The following ALKBH3 variants were observed in gnomAD, a reference collection of about 807,000 sequenced individuals.
ALKBH3 encodes alpha-ketoglutarate-dependent dioxygenase alkB homolog 3.
ALKBH3 carries 51 observed loss-of-function variants against 43.9 expected under a neutral mutation model. That is an observed-to-expected ratio of 1.16 (90% CI 0.93 to 1.47). ALKBH3 has a LOEUF of 1.47. Among genes scored for constraint, ALKBH3 ranks in the 40% most tolerant of loss-of-function variants. The probability of loss-of-function intolerance (pLI) is 0.00; values close to 1 mark genes in which losing one functional copy is unlikely to be tolerated. For missense variants in ALKBH3, 361 were observed against 351.9 expected (o/e 1.03, Z -0.21); for synonymous variants, 102 against 115.2 (o/e 0.89, Z 0.73).
At chr11:43,915,440 G>A (rs1048098361) in intron 8 of ALKBH3, among the ~76,000 whole-genome samples, 2 of 152,118 alleles carry the variant, frequency 1.3e-5, no homozygotes, top group Non-Finnish European at 2.9e-5. Context: ...CTTGGCTCCA[G>A]TAATTCCATT....
intron 7 of ALKBH3, among the ~76,000 whole-genome samples, chr11:43,894,559 A>T (rs2135185121): frequency 6.6e-6 from 1 of 152,250 alleles, no homozygotes; most frequent in East Asian, 1.9e-4. Context: ...GAAAAAAAAT[A>T]CCTACTTAGA....
intron 5 of ALKBH3, 136 bp downstream of exon 5, chr11:43,886,789 G>A: frequency 1.1e-6 from 1 of 879,796 alleles, no homozygotes; most frequent in Non-Finnish European, 1.7e-6. Flanking sequence ...AGGAATGAAA[G>A]CATGTCCTTT....
At chr11:43,916,895 C>T (rs1448647015) in intron 8 of ALKBH3, 2 of 152,180 alleles carry the variant, frequency 1.3e-5, no homozygotes, top group Non-Finnish European at 2.9e-5. Context: ...AGTAGGATCC[C>T]TTGCCCTCTT....
Position 43,889,788 on chromosome 11 carries a change from T to C in ALKBH3, c.330T>C (p.Cys110=), listed in dbSNP as rs767771210. The C allele has an allele frequency of 6.2e-7, 1 of 1,613,930 alleles. No homozygotes were observed. The highest frequency in any genetic ancestry group is 1.3e-5 in the African/African-American group (1 of 74,920). ...KEADWILEQL[C]QDVPWKQRTG... ...CTGACTGGATATTGGAACAGCTTTG[T>C]CAAGATGTTCCCTGGAAACAGAGGA... The change falls in exon 6 of 10, where the codon TGT becomes TGC. Residue 110 remains cysteine, a synonymous_variant. Coordinates refer to ENST00000302708, the MANE Select transcript of ALKBH3 (RefSeq NM_139178.4).
intron 9 of ALKBH3, 92 bp from the exon 10 acceptor site, chr11:43,919,826 T>C: frequency 8.5e-7 from 1 of 1,178,038 alleles, no homozygotes; most frequent in Non-Finnish European, 1.3e-6. Flanking sequence ...GATGGAAATA[T>C]TTCTGCATTC....
At chr11:43,898,620 C>A in intron 7 of ALKBH3, 1 of 738,544 alleles carries the variant, frequency 1.4e-6, no homozygotes, top group Admixed American at 1.8e-5. Context: ...GCCTGGCGGA[C>A]TTGGAAGGGG....
chr11:43,885,742 A>T (rs2135176835), intron 4 of ALKBH3, among the ~76,000 whole-genome samples: 1 of 152,316 alleles, frequency 6.6e-6, no homozygotes, highest in Middle Eastern at 3.4e-3. Flanking sequence ...TATTCCTTGC[A>T]CCTCAGGACC....
At chr11:43,902,173 T>C (rs974633857) in intron 8 of ALKBH3, among the ~76,000 whole-genome samples, 3 of 152,192 alleles carry the variant, frequency 2.0e-5, no homozygotes, top group Non-Finnish European at 2.9e-5. Context: ...CATGGTAATA[T>C]GGCCACTTTT....
At chr11:43,891,762 T>C (rs1590368843) in intron 6 of ALKBH3, among the ~76,000 whole-genome samples, 1 of 152,226 alleles carries the variant, frequency 6.6e-6, no homozygotes, top group Non-Finnish European at 1.5e-5. Context: ...GTGTGACTCT[T>C]TGCCCTCTCT....
intron 8 of ALKBH3, among the ~76,000 whole-genome samples, chr11:43,908,763 C>T (rs974845294): frequency 1.3e-5 from 2 of 152,152 alleles, no homozygotes; most frequent in African/African-American, 4.8e-5. Context: ...ACGCTGTCAG[C>T]AGGTATTTCA....
At chr11:43,883,863 T>C in intron 3 of ALKBH3, 120 bp from the exon 4 acceptor site, 1 of 1,226,772 alleles carries the variant, frequency 8.2e-7, no homozygotes, top group Non-Finnish European at 1.2e-6. Context: ...TAGTGAGAAG[T>C]TGGAATAGAA....
chr11:43,889,965 A>G, intron 6 of ALKBH3, 137 bp downstream of exon 6: 1 of 715,842 alleles, frequency 1.4e-6, no homozygotes, highest in African/African-American at 1.8e-5. Flanking sequence ...AAGTAGAATT[A>G]GCCAAAAAGG....
chr11:43,890,920 T>A (rs1335265696), intron 6 of ALKBH3, among the ~76,000 whole-genome samples: 2 of 152,232 alleles, frequency 1.3e-5, no homozygotes, highest in Non-Finnish European at 2.9e-5. Flanking sequence ...CATCCTCTAG[T>A]ATCCTTTAAA....
At chr11:43,908,856 C>G (rs1951915786) in intron 8 of ALKBH3, among the ~76,000 whole-genome samples, 1 of 152,212 alleles carries the variant, frequency 6.6e-6, no homozygotes, top group South Asian at 2.1e-4. Flanking sequence ...TCGATGCCTG[C>G]TGAGAGAGCT....
At chr11:43,899,916 T>C (rs1951849581) in intron 7 of ALKBH3, among the ~76,000 whole-genome samples, 2 of 150,322 alleles carry the variant, frequency 1.3e-5, no homozygotes, top group Admixed American at 6.6e-5. Context: ...TGAGTTTTGG[T>C]ATAATATCAA....
In ALKBH3 at chr11:43,882,704, GT is replaced by G; in HGVS notation, c.54del (p.Ser20AlafsTer43). ...ARVQGAWAAP[V>X]KSQAIAQPAT... ...AGTTCAGGGAGCCTGGGCTGCCCCTGTTAAAAGCCAGGCCATTGCTCAGCCA... is the reference window on the plus strand; with the variant it reads ...AGTTCAGGGAGCCTGGGCTGCCCCTGTAAAAGCCAGGCCATTGCTCAGCCA... On this transcript the variant is annotated frameshift_variant, in exon 2 of 10. Transcript: ENST00000302708. LOFTEE classifies it high-confidence loss of function. 6.2e-7 allele frequency: 1 copy of G among 1,613,452 alleles called. No homozygotes were observed. Among genetic ancestry groups the G allele is most frequent in the South Asian group, 1.1e-5 (1 of 90,970 alleles).
chr11:43,919,873 G>A lies in ALKBH3; in HGVS notation c.769-45G>A, dbSNP rs191649154. The A allele has an allele frequency of 9.8e-4, 1,493 of 1,526,268 alleles. 11 individuals carry two copies. In the African/African-American group the frequency reaches 0.018, roughly 19 times the overall value. The allele number at this position is 1,526,268 out of a possible 1,614,324, so 94.5% of individuals were successfully genotyped here. A position where few individuals can be genotyped will look rare whatever the true frequency, so the allele number is the denominator to read the frequency against. ...TTTTAAGTCGCTTTGAACTAAAAGTGTGTATGTGTGTATTTATGTCAGAGT... is the reference window on the plus strand; with the variant it reads ...TTTTAAGTCGCTTTGAACTAAAAGTATGTATGTGTGTATTTATGTCAGAGT... On this transcript the variant is annotated intron_variant, in intron 9 of 9. Transcript: ENST00000302708.
chr11:43,902,664 T>C (rs1427390474), intron 8 of ALKBH3, among the ~76,000 whole-genome samples: 1 of 152,238 alleles, frequency 6.6e-6, no homozygotes, highest in Non-Finnish European at 1.5e-5. Flanking sequence ...TGGCACGATC[T>C]CGGCTCACTG....
chr11:43,889,025 T>C (rs1287098491), intron 5 of ALKBH3, among the ~76,000 whole-genome samples: 2 of 152,202 alleles, frequency 1.3e-5, no homozygotes, highest in Non-Finnish European at 2.9e-5. Flanking sequence ...TTATTAGTTA[T>C]TCTTTTTTTT....
Sources: gnomAD v4.1 joint callset for allele counts (sites outside exome capture counted in the v4.1 genomes callset) on GRCh38, gnomAD v4.1.1 for gene constraint, MANE v1.5 for transcripts, NCBI Gene and HGNC (gene_info 2026-07-23, HGNC 2026-07-21) for gene names.